The following CD5 variants were observed in gnomAD, a reference collection of about 807,000 sequenced individuals.
CD5 encodes CD5 molecule, also known as T-cell surface glycoprotein CD5.
In CD5, 36 loss-of-function variants were observed where a neutral mutation model predicts 60.3. The ratio of observed to expected loss-of-function variants is 0.60; its 90% confidence interval spans 0.46 to 0.79. The LOEUF is 0.79. Among genes scored for constraint, CD5 ranks in the 30% least tolerant of loss-of-function variants. CD5 has a pLI of 0.00. For synonymous variants in CD5, 230 were observed against 257.6 expected (o/e 0.89, Z 1.03); for missense variants, 540 against 630.6 (o/e 0.86, Z 1.54).
chr11:61,104,175 T>A (rs1274726124), intron 1 of CD5, among the ~76,000 whole-genome samples: 2 of 152,096 alleles, frequency 1.3e-5, no homozygotes, highest in Non-Finnish European at 2.9e-5. Context: ...TCTGTGCGCA[T>A]GTGTGTGAGA....
intron 1 of CD5, among the ~76,000 whole-genome samples, chr11:61,114,013 A>G (rs917922834): frequency 6.6e-6 from 1 of 151,976 alleles, no homozygotes; most frequent in Non-Finnish European, 1.5e-5. Flanking sequence ...AAGGAGCTCA[A>G]ACTTTTTTGA....
At chr11:61,094,402 G>A in the CD5 span, among the ~76,000 whole-genome samples, 1 of 152,058 alleles carries the variant, frequency 6.6e-6, no homozygotes, top group Non-Finnish European at 1.5e-5. Context: ...CAGCACTTTG[G>A]TTTTGGTTTT....
chr11:61,125,945 C>T lies in CD5; in HGVS notation c.*2+104C>T, dbSNP rs1279313506. On this transcript the variant is annotated intron_variant, in intron 10 of 10. Coordinates refer to ENST00000347785, the MANE Select transcript of CD5 (RefSeq NM_014207.4). ...TCCCCTCAGTCCCACCCTGCCCATA[C>T]ATGAATAGGGGACCCCCAGCATCTT... 17 of 569,078 alleles carry T rather than the reference C, an allele frequency of 3.0e-5. No individual in the cohort carries two copies. In the East Asian group the frequency reaches 5.2e-4, roughly 17 times the overall value. The allele number at this position is 569,078 out of a possible 1,614,324, so 35.3% of individuals were successfully genotyped here. A position where few individuals can be genotyped will look rare whatever the true frequency, so the allele number is the denominator to read the frequency against.
intron 10 of CD5, 51 bp downstream of exon 10, chr11:61,125,892 TG>T: frequency 2.2e-6 from 3 of 1,340,562 alleles, no homozygotes; most frequent in Non-Finnish European, 3.1e-6. Flanking sequence ...CCCACAGTCC[TG>T]GGGGTGAGCA....
intron 8 of CD5, among the ~76,000 whole-genome samples, chr11:61,124,263 T>C (rs1368200481): frequency 6.6e-6 from 1 of 152,138 alleles, no homozygotes; most frequent in Non-Finnish European, 1.5e-5. Context: ...CCCAACACAG[T>C]AGCCAGTGGA....
upstream of CD5, among the ~76,000 whole-genome samples, chr11:61,099,107 T>G (rs969634182): frequency 6.6e-6 from 1 of 152,238 alleles, no homozygotes; most frequent in Admixed American, 6.5e-5. Context: ...CCATCTTCTT[T>G]GCAGAGACCC....
At chr11:61,111,945 T>C (rs551623241) in intron 1 of CD5, among the ~76,000 whole-genome samples, 1 of 152,314 alleles carries the variant, frequency 6.6e-6, no homozygotes, top group Non-Finnish European at 1.5e-5. Flanking sequence ...CCTCATGCTA[T>C]GAGTGAGGAA....
At chr11:61,123,803 C>A in intron 7 of CD5, 81 bp from the exon 8 acceptor site, 2 of 690,742 alleles carry the variant, frequency 2.9e-6, no homozygotes. Flanking sequence ...CCTCCCAGGC[C>A]CAGCCCCATC....
chr11:61,101,750 T>G (rs62636419), upstream of CD5, among the ~76,000 whole-genome samples: 1 of 143,890 alleles, frequency 6.9e-6, no homozygotes, highest in African/African-American at 2.5e-5. Context: ...ACATGGAGAT[T>G]ACACACACAT....
chr11:61,125,538 C>T (rs1280368978), intron 9 of CD5, among the ~76,000 whole-genome samples: 1 of 152,202 alleles, frequency 6.6e-6, no homozygotes, highest in African/African-American at 2.4e-5. Context: ...GTACTAAAGG[C>T]TCCCAGACTG....
the CD5 span, among the ~76,000 whole-genome samples, chr11:61,094,484 G>A: frequency 5.9e-5 from 9 of 152,236 alleles, no homozygotes; most frequent in South Asian, 1.7e-3. Context: ...GAGTAGAAGC[G>A]TGTCCTGATC....
At chr11:61,102,336 G>A (rs113670720), upstream of CD5, 5 of 581,680 alleles carry the variant, frequency 8.6e-6, no homozygotes, top group African/African-American at 1.9e-5. Flanking sequence ...AGCTGGCAGA[G>A]GCCAGGGCTG....
At chr11:61,098,141 C>G (rs1860607198), upstream of CD5, among the ~76,000 whole-genome samples, 1 of 152,126 alleles carries the variant, frequency 6.6e-6, no homozygotes, top group Admixed American at 6.5e-5. Flanking sequence ...GAAAATGGTT[C>G]CCAGCACTAG....
At chr11:61,105,000 A>G (rs11230594) in intron 1 of CD5, among the ~76,000 whole-genome samples, 33,556 of 152,250 alleles carry the variant, frequency 0.22, 4,053 homozygotes, top group African/African-American at 0.28. Flanking sequence ...GGGGACACCA[A>G]GGGCCAGGGT....
At chr11:61,096,403 A>C in the CD5 span, among the ~76,000 whole-genome samples, 4 of 152,348 alleles carry the variant, frequency 2.6e-5, no homozygotes, top group Non-Finnish European at 5.9e-5. Flanking sequence ...AAGGACGTTA[A>C]GTTTTTGGTT....
At chr11:61,125,010 C>T (rs1189402348) in intron 8 of CD5, 22 bp from the exon 9 acceptor site, 1 of 1,613,906 alleles carries the variant, frequency 6.2e-7, no homozygotes, top group Non-Finnish European at 8.5e-7. Context: ...AAGTCTGACA[C>T]TGTCTCCTAC....
chr11:61,101,898 ATCTC>A (rs1001155071), upstream of CD5, among the ~76,000 whole-genome samples: 2 of 142,636 alleles, frequency 1.4e-5, no homozygotes, highest in Non-Finnish European at 3.0e-5. Context: ...CAACATGGAG[ATCTC>A]TCTCTCTCTA....
At chr11:61,100,205 C>T (rs910668495), upstream of CD5, among the ~76,000 whole-genome samples, 4 of 121,766 alleles carry the variant, frequency 3.3e-5, no homozygotes, top group African/African-American at 1.2e-4. Context: ...ACACACACAT[C>T]AACATGGAGA....
At chr11:61,101,738 C>G (rs879631964), upstream of CD5, among the ~76,000 whole-genome samples, 1 of 150,628 alleles carries the variant, frequency 6.6e-6, no homozygotes, top group Non-Finnish European at 1.5e-5. Flanking sequence ...TCACACACGT[C>G]AACATGGAGA....
Sources: allele counts gnomAD v4.1 joint callset (sites outside exome capture counted in the v4.1 genomes callset), GRCh38; gene constraint gnomAD v4.1.1; transcripts MANE v1.5; gene names NCBI Gene and HGNC (gene_info 2026-07-23, HGNC 2026-07-21).